Variants in MFRP observed in about 807,000 individuals in gnomAD.
MFRP encodes the protein membrane frizzled-related protein.
MFRP carries 74 observed loss-of-function variants against 65.8 expected under a neutral mutation model. That is an observed-to-expected ratio of 1.12 (90% CI 0.93 to 1.36). The LOEUF (loss-of-function observed/expected upper bound fraction) is 1.36, where lower values mean the gene tolerates loss of function less well. Ranked by LOEUF, MFRP falls within the 40% of genes most tolerant of loss-of-function variation. The pLI is 0.00. For missense variants in MFRP, 838 were observed against 736.0 expected, an observed-to-expected ratio of 1.14 and a Z score of -1.60; for synonymous variants, 336 against 288.3, an observed-to-expected ratio of 1.17 and a Z score of -1.68.
rs761326934 is a variant in MFRP at position 119,342,862 on chromosome 11, G to A, written c.1255+11C>T. 5 of 1,613,002 alleles carry A rather than the reference G, an allele frequency of 3.1e-6. No homozygotes were observed. The highest frequency in any genetic ancestry group is 1.3e-5 in the African/African-American group (1 of 74,942). On this transcript the variant is annotated intron_variant, in intron 10 of 14. Transcript: ENST00000619721. Reference sequence around the variant, plus strand: ...TCTACTGCCCCCACCCACTTGCCCAGGGGCACCTACTCTCCGTGGCATTGA... The same window carrying A: ...TCTACTGCCCCCACCCACTTGCCCAAGGGCACCTACTCTCCGTGGCATTGA...
Position 119,346,333 on chromosome 11 carries a change from T to G in MFRP, c.96A>C (p.Pro32=). 6.2e-7 allele frequency: 1 copy of G among 1,613,754 alleles called. No individual in the cohort carries two copies. The highest frequency in any genetic ancestry group is 1.3e-5 in the African/African-American group (1 of 74,918). The change falls in exon 2 of 15, where the codon CCA becomes CCC. Residue 32 remains proline (P), a synonymous_variant. Transcript: ENST00000619721. ...CNPAFEPESG[P]PCPPPVFPED... is the part of the protein sequence containing the mutation. ...CTGGGAAAACTGGGGGAGGGCAGGG[T>G]GGCCCAGACTCAGGCTCGAAGGCAG... is the stretch of plus-strand genomic sequence containing the variant.
At chr11:119,342,010 T>C in intron 11 of MFRP, 26 bp from the exon 12 acceptor site, 1 of 1,612,596 alleles carries the variant, frequency 6.2e-7, no homozygotes, top group Non-Finnish European at 8.5e-7. Flanking sequence ...GGAGGGCCAC[T>C]GTGGGGACTG....
At chr11:119,343,187 C>G (rs1329856917) in intron 9 of MFRP, among the ~76,000 whole-genome samples, 184 bp from the exon 10 acceptor site, 1 of 152,156 alleles carries the variant, frequency 6.6e-6, no homozygotes, top group Non-Finnish European at 1.5e-5. Context: ...AACAAACTGT[C>G]TGAACTCGAG....
At chr11:119,345,705 C>T (rs571227509) in intron 4 of MFRP, 68 bp downstream of exon 4, 2 of 1,612,372 alleles carry the variant, frequency 1.2e-6, no homozygotes, top group South Asian at 2.2e-5. Flanking sequence ...GCCTCTTCCT[C>T]ACCCTCCCCT....
Position 119,341,697 on chromosome 11 carries a change from G to C in MFRP, c.1591C>G (p.Leu531Val). Residue 531 changes from leucine to valine, a missense_variant, in exon 13 of 15, where the codon CTA (leucine) becomes GTA (valine). Physicochemically the swap from Leu to Val is conservative, Grantham distance 32. Transcript: ENST00000619721. Reference protein sequence around the residue: ...CGLLVPRCTPLGSVLPPCRSV... With the variant: ...CGLLVPRCTPVGSVLPPCRSV... ...CGGCAAGGGGGCAGAACACTGCCTA[G>C]TGGGGTGCAACGGGGCACAAGCAGC... 1 of 1,613,202 alleles carries C rather than the reference G, an allele frequency of 6.2e-7. No individual in the cohort carries two copies. The highest frequency in any genetic ancestry group is 8.5e-7 in the Non-Finnish European group (1 of 1,180,044).
chr11:119,343,643 G>A (rs995511188), intron 9 of MFRP, among the ~76,000 whole-genome samples, 173 bp downstream of exon 9: 1 of 152,192 alleles, frequency 6.6e-6, no homozygotes, highest in African/African-American at 2.4e-5. Flanking sequence ...GGAGAGTGTG[G>A]GGTGAAGGTT....
In MFRP at chr11:119,339,487, C is replaced by T. The variant is rs151230738; in HGVS notation, c.*1472G>A. The stretch of plus-strand genomic sequence containing the variant: ...GCTCCAGCCTCACCATGGCCCCCCC[C>T]GAGAGCGAGGCTGGCTTGGGCCACC... On this transcript the variant is annotated 3_prime_UTR_variant, in exon 15 of 15. Transcript: ENST00000619721. The surrounding 1 kb of genome is among the most constrained non-coding windows in gnomAD (Gnocchi z 5.4). 3.7e-6 allele frequency: 6 copies of T among 1,614,016 alleles called. No individual in the cohort carries two copies. Among genetic ancestry groups the T allele is most frequent in the East Asian group, 2.2e-5 (1 of 44,882 alleles).
rs770382331 is a variant in MFRP at position 119,343,820 on chromosome 11, C to T, written c.1120G>A (p.Gly374Ser). Residue 374 changes from glycine (G) to serine (S), a missense_variant, in exon 9 of 15, where the codon GGC (glycine) becomes AGC (serine). Coordinates refer to ENST00000619721, the MANE Select transcript of MFRP (RefSeq NM_031433.4). ...GCTCTTCCCTGGCTCCTGTACCTGC[C>T]CAGGAGGCTGAAGGCCCCTGAGCTG... Reference protein sequence around the residue: ...TSSSGAFSLLGRFCGAEPPPH... With the variant: ...TSSSGAFSLLSRFCGAEPPPH... 1 of 1,613,812 alleles carries T rather than the reference C, an allele frequency of 6.2e-7. No individual in the cohort carries two copies. The highest frequency in any genetic ancestry group is 1.1e-5 in the South Asian group (1 of 91,050).
rs1488239849 is a variant in MFRP at position 119,345,357 on chromosome 11, G to C, written c.641+63C>G. ...TTAGCCCTTCTCCCTGCCACTCCCT[G>C]ATTCTGCTCTTTAGATAGTGGTTCA... On this transcript the variant is annotated intron_variant, in intron 5 of 14. Coordinates refer to ENST00000619721, the MANE Select transcript of MFRP (RefSeq NM_031433.4). 5 of 1,537,842 alleles carry C rather than the reference G, an allele frequency of 3.3e-6. No individual in the cohort carries two copies. The East Asian group carries it at 1.1e-4, about 35-fold the overall frequency.
chr11:119,339,482 C>G lies in MFRP; in HGVS notation c.*1477G>C. ...CTCAGGCTCCAGCCTCACCATGGCC[C>G]CCCCCGAGAGCGAGGCTGGCTTGGG... On this transcript the variant is annotated 3_prime_UTR_variant, in exon 15 of 15. Transcript: ENST00000619721. This position sits in a 1 kb window ranked among gnomAD's most constrained non-coding sequence, Gnocchi z 5.4. 4 of 1,613,612 alleles carry G rather than the reference C, an allele frequency of 2.5e-6. No individual in the cohort carries two copies. The highest frequency in any genetic ancestry group is 1.3e-5 in the African/African-American group (1 of 74,894).
chr11:119,341,847 C>T lies in MFRP; in HGVS notation c.1515+10G>A. ...CCCAGGCCCGCCCTCCTTCCCTCCA[C>T]CCAGAAGACCTTGTAACCGCTGAGG... On this transcript the variant is annotated intron_variant, in intron 12 of 14. Coordinates refer to ENST00000619721, the MANE Select transcript of MFRP (RefSeq NM_031433.4). The T allele has an allele frequency of 6.2e-7, 1 of 1,613,906 alleles. No homozygotes were observed. The highest frequency in any genetic ancestry group is 8.5e-7 in the Non-Finnish European group (1 of 1,180,000).
In MFRP at chr11:119,341,757, G is replaced by C; in HGVS notation, c.1531C>G (p.Pro511Ala). 1 of 1,613,300 alleles carries C rather than the reference G, an allele frequency of 6.2e-7. No homozygotes were observed. The change falls in exon 13 of 15, where the codon CCC becomes GCC. Residue 511 changes from proline to alanine, a missense_variant. Pro to Ala is a conservative substitution (Grantham distance 27, BLOSUM62 -1). Coordinates refer to ENST00000619721, the MANE Select transcript of MFRP (RefSeq NM_031433.4). Reference sequence around the variant, plus strand: ...AGCCTCCGGAAATGCTGGTAGCAGGGCAGGCTTGTCAGGCTCTGCGGAGGG... The same window carrying C: ...AGCCTCCGGAAATGCTGGTAGCAGGCCAGGCTTGTCAGGCTCTGCGGAGGG... ...LSGYKSLTSL[P>A]CYQHFRRLLC...
Position 119,339,651 on chromosome 11 carries a change from C to T in MFRP, c.*1308G>A. 1 of 1,612,474 alleles carries T rather than the reference C, an allele frequency of 6.2e-7. No individual in the cohort carries two copies. The highest frequency in any genetic ancestry group is 2.2e-5 in the East Asian group (1 of 44,888). On this transcript the variant is annotated 3_prime_UTR_variant, in exon 15 of 15. Coordinates refer to ENST00000619721, the MANE Select transcript of MFRP (RefSeq NM_031433.4). This position sits in a 1 kb window ranked among gnomAD's most constrained non-coding sequence, Gnocchi z 5.4. ...TGGCAGGTGAACTTGCCGGTGACGG[C>T]GTCGTAATGTCCCTGCTCGTTCACC...
At position 119,345,766 on chromosome 11, in the gene MFRP, T is replaced by C. The variant is rs1319943080; in HGVS notation, c.427+7A>G. The C allele has an allele frequency of 1.9e-6, 3 of 1,613,406 alleles. No individual in the cohort carries two copies. The highest frequency in any genetic ancestry group is 2.2e-5 in the East Asian group (1 of 44,888). ...CTTCTCCCGGAAGATCTGCCCCCAG[T>C]ACTCACTGGACTGTGGGGAGGGGCT... On this transcript the variant is annotated splice_region_variant and intron_variant, in intron 4 of 14. Transcript: ENST00000619721.
chr11:119,341,425 C>A lies in MFRP; in HGVS notation c.*123G>T. 1 of 798,534 alleles carries A rather than the reference C, an allele frequency of 1.3e-6. No homozygotes were observed. The allele number at this position is 798,534 out of a possible 1,614,324, so 49.5% of individuals were successfully genotyped here. A position where few individuals can be genotyped will look rare whatever the true frequency, so the allele number is the denominator to read the frequency against. ...CAGCTGAGGACTTCTCTTCCCCCTC[C>A]CTGGGAGCCCCAGAGAAGGATGGGT... is the stretch of plus-strand genomic sequence containing the variant. On this transcript the variant is annotated 3_prime_UTR_variant, in exon 13 of 15. Coordinates refer to ENST00000619721, the MANE Select transcript of MFRP (RefSeq NM_031433.4).
chr11:119,345,565 G>T lies in MFRP; in HGVS notation c.496C>A (p.Pro166Thr), dbSNP rs145285193. 3.1e-6 allele frequency: 5 copies of T among 1,613,936 alleles called. No individual in the cohort carries two copies. The highest frequency in any genetic ancestry group is 2.7e-5 in the African/African-American group (2 of 74,938). Residue 166 changes from proline (P) to threonine (T), a missense_variant, in exon 5 of 15, where the codon CCC becomes ACC. Coordinates refer to ENST00000619721, the MANE Select transcript of MFRP (RefSeq NM_031433.4). ...SSPNYPDPYP[P>T]NTHCVWHIQV... ...ATATGCCACACGCAGTGGGTGTTGG[G>T]GGGGTAAGGGTCTGGGTAGTTAGGG...
Position 119,346,538 on chromosome 11 carries a change from T to C in MFRP, c.-25A>G, listed in dbSNP as rs1474438712. ...TGGCACAAGGCTCTGCATGGCTTTC[T>C]GGAGTCCCTGTGACAGCCCAAGACC... On this transcript the variant is annotated 5_prime_UTR_variant, in exon 1 of 15. Coordinates refer to ENST00000619721, the MANE Select transcript of MFRP (RefSeq NM_031433.4). 1.2e-6 allele frequency: 2 copies of C among 1,613,330 alleles called. No homozygotes were observed. Among genetic ancestry groups the C allele is most frequent in the African/African-American group, 1.3e-5 (1 of 74,994 alleles).
rs1027126607 is a variant in MFRP at position 119,345,345 on chromosome 11, C to T, written c.641+75G>A. The T allele has an allele frequency of 3.4e-6, 5 of 1,475,816 alleles. No homozygotes were observed. The Admixed American group carries it at 5.1e-5, about 15-fold the overall frequency. The allele number at this position is 1,475,816 out of a possible 1,614,324, so 91.4% of individuals were successfully genotyped here. Reference sequence around the variant, plus strand: ...TTTCTTCCTCGGTTAGCCCTTCTCCCTGCCACTCCCTGATTCTGCTCTTTA... The same window carrying T: ...TTTCTTCCTCGGTTAGCCCTTCTCCTTGCCACTCCCTGATTCTGCTCTTTA... On this transcript the variant is annotated intron_variant, in intron 5 of 14. Coordinates refer to ENST00000619721, the MANE Select transcript of MFRP (RefSeq NM_031433.4).
Position 119,345,849 on chromosome 11 carries a change from G to C in MFRP, c.351C>G (p.Pro117=). The C allele has an allele frequency of 6.2e-7, 1 of 1,613,936 alleles. No homozygotes were observed. Among genetic ancestry groups the C allele is most frequent in the African/African-American group, 1.3e-5 (1 of 75,030 alleles). The part of the protein sequence containing the change: ...AGGLTTTTTT[P]TITTSQAAGT... ...CAGCTGCCTGAGAGGTGGTGATGGT[G>C]GGGGTGGTGGTGGTCGTGGTAAGGC... Residue 117 remains proline, a synonymous_variant, in exon 4 of 15, where the codon CCC becomes CCG. Coordinates refer to ENST00000619721, the MANE Select transcript of MFRP (RefSeq NM_031433.4).
Sources: allele counts gnomAD v4.1 joint callset (sites outside exome capture counted in the v4.1 genomes callset), GRCh38; gene constraint gnomAD v4.1.1; non-coding constraint Gnocchi (gnomAD v3.1); transcripts MANE v1.5; gene names NCBI Gene and HGNC (gene_info 2026-07-23, HGNC 2026-07-21).